EYS: variants seen among roughly 807,000 people sequenced by gnomAD.
EYS encodes the protein EGF-like photoreceptor maintenance factor.
EYS carries 250 observed loss-of-function variants against 282.1 expected under a neutral mutation model. The ratio of observed to expected loss-of-function variants is 0.89; its 90% CI spans 0.80 to 0.98. The LOEUF is 0.98. Ranked by LOEUF, EYS falls within the 50% of genes least tolerant of loss-of-function variation. The pLI is 0.00. For synonymous variants in EYS, 1,355 were observed against 1,282.9 expected, an observed-to-expected ratio of 1.06 and a Z score of -1.20; for missense variants, 4,016 against 3,709.0, an observed-to-expected ratio of 1.08 and a Z score of -2.15.
intron 5 of EYS, among the ~76,000 whole-genome samples, chr6:65,464,837 C>G (rs1007410064): frequency 6.6e-5 from 10 of 152,140 alleles, no homozygotes; most frequent in Non-Finnish European, 1.5e-4. Context: ...GGAAACTTAC[C>G]TTGTGTTCCA....
intron 12 of EYS, among the ~76,000 whole-genome samples, chr6:65,156,221 TTA>T (rs1764725081): frequency 6.6e-6 from 1 of 151,142 alleles, no homozygotes; most frequent in African/African-American, 2.4e-5. Context: ...TCCCTTGGAA[TTA>T]TAGTGTATTC....
chr6:64,446,324 C>T (rs1342070458), intron 26 of EYS, among the ~76,000 whole-genome samples: 1 of 152,076 alleles, frequency 6.6e-6, no homozygotes. Flanking sequence ...TCCCTCTCTA[C>T]TGCAACAGAG....
chr6:63,762,532 G>T lies in EYS; in HGVS notation c.8000C>A (p.Thr2667Asn), dbSNP rs909193856. The change falls in exon 41 of 43, where the codon ACC becomes AAC. Residue 2667 changes from threonine to asparagine, a missense_variant. Thr to Asn is a moderately conservative substitution (Grantham distance 65, BLOSUM62 0). Coordinates refer to ENST00000503581, the MANE Select transcript of EYS (RefSeq NM_001142800.2). ...DPPHHCSRGA[T>N]CISLPHGYTC... The stretch of plus-strand genomic sequence containing the variant: ...GTATCCATGAGGTAATGAAATGCAG[G>T]TTGCTCCTCTGCTACAGTGGTGTGG... 10 of 1,550,410 alleles carry T rather than the reference G, an allele frequency of 6.4e-6. 1 individual carries two copies. The South Asian group carries it at 9.5e-5, about 15-fold the overall frequency.
intron 25 of EYS, among the ~76,000 whole-genome samples, chr6:64,592,718 A>T (rs918560220): frequency 6.6e-6 from 1 of 152,146 alleles, no homozygotes; most frequent in South Asian, 2.1e-4. Context: ...AAATAAGCAC[A>T]TATCTTTTAT....
intron 35 of EYS, among the ~76,000 whole-genome samples, chr6:63,974,260 G>A (rs1002461298): frequency 8.6e-5 from 13 of 151,850 alleles, no homozygotes; most frequent in Admixed American, 3.3e-4. Context: ...TCTATAAGTG[G>A]TCAAAAATAA....
chr6:65,443,928 T>G (rs1415373602), intron 5 of EYS, among the ~76,000 whole-genome samples: 2 of 151,780 alleles, frequency 1.3e-5, no homozygotes, highest in African/African-American at 4.8e-5. Flanking sequence ...ATCCATAAGA[T>G]CAGAAGAACA....
intron 14 of EYS, among the ~76,000 whole-genome samples, chr6:64,974,042 T>G (rs1770391539): frequency 6.6e-6 from 1 of 151,904 alleles, no homozygotes; most frequent in African/African-American, 2.4e-5. Context: ...GCATTTCACA[T>G]TGGATTCCAT....
intron 15 of EYS, among the ~76,000 whole-genome samples, chr6:64,922,557 G>A (rs1583296426): frequency 6.6e-6 from 1 of 152,146 alleles, no homozygotes; most frequent in East Asian, 1.9e-4. Flanking sequence ...AAAAGACTCA[G>A]GATATATATT....
chr6:64,446,475 T>G (rs1775120109), intron 26 of EYS, among the ~76,000 whole-genome samples: 1 of 152,302 alleles, frequency 6.6e-6, no homozygotes, highest in Non-Finnish European at 1.5e-5. Context: ...TATGAATATT[T>G]ACTCCAACAC....
At position 64,088,553 on chromosome 6, in the gene EYS, A is replaced by C. The variant is rs117046828; in HGVS notation, c.6425-6551T>G. Among the ~76,000 whole-genome samples, 681 of 152,146 alleles carry C rather than the reference A, an allele frequency of 4.5e-3. 12 individuals are homozygous for C. Among genetic ancestry groups the C allele is most frequent in the Admixed American group, 0.023 (354 of 15,276 alleles). Reference sequence around the variant, plus strand: ...TTAAGTTCCTAAATTATATTAAAAAAAATCTCAAATTGGCAAAGGAAGCTA... The same window carrying C: ...TTAAGTTCCTAAATTATATTAAAAACAATCTCAAATTGGCAAAGGAAGCTA... On this transcript the variant is annotated intron_variant, in intron 31 of 42. Coordinates refer to ENST00000503581, the MANE Select transcript of EYS (RefSeq NM_001142800.2).
intron 30 of EYS, among the ~76,000 whole-genome samples, chr6:64,292,665 T>C (rs1922959): frequency 0.71 from 107,057 of 151,014 alleles, 37,863 homozygotes; most frequent in African/African-American, 0.77. Flanking sequence ...ACCTCTTCTT[T>C]GTGACCCCTC....
At chr6:65,430,855 T>C (rs913798695) in intron 5 of EYS, among the ~76,000 whole-genome samples, 2 of 152,110 alleles carry the variant, frequency 1.3e-5, no homozygotes, top group Admixed American at 6.5e-5. Context: ...TGAAGAGCCC[T>C]TGCGTCCTGA....
At chr6:65,060,782 G>GTA (rs3065332) in intron 12 of EYS, among the ~76,000 whole-genome samples, 2,308 of 143,798 alleles carry the variant, frequency 0.016, 35 homozygotes, top group African/African-American at 0.042. Context: ...ATATATATGT[G>GTA]TATATATATA....
At chr6:65,584,322 G>T (rs920700063) in intron 2 of EYS, among the ~76,000 whole-genome samples, 1 of 151,970 alleles carries the variant, frequency 6.6e-6, no homozygotes, top group Non-Finnish European at 1.5e-5. Context: ...GGCAATACTG[G>T]CATCTACTAG....
At chr6:64,850,059 T>G (rs1765835065) in intron 19 of EYS, among the ~76,000 whole-genome samples, 1 of 152,002 alleles carries the variant, frequency 6.6e-6, no homozygotes, top group Non-Finnish European at 1.5e-5. Flanking sequence ...GAGCCGATAT[T>G]TTATCTGAAA....
chr6:64,759,660 A>G (rs1562176162), intron 22 of EYS, among the ~76,000 whole-genome samples: 1 of 152,192 alleles, frequency 6.6e-6, no homozygotes, highest in Non-Finnish European at 1.5e-5. Context: ...ATATATTTAA[A>G]ATCAAAATAA....
intron 36 of EYS, among the ~76,000 whole-genome samples, chr6:63,842,456 T>A (rs780389477): frequency 1.6e-4 from 24 of 152,148 alleles, no homozygotes; most frequent in Non-Finnish European, 3.1e-4. Flanking sequence ...TTGATGGGGC[T>A]TGTTTTTTTC....
chr6:64,981,892 G>A (rs1331242021), intron 14 of EYS, among the ~76,000 whole-genome samples: 1 of 151,328 alleles, frequency 6.6e-6, no homozygotes, highest in African/African-American at 2.4e-5. Context: ...TAGAACTACT[G>A]CCAGATGTTA....
intron 33 of EYS, among the ~76,000 whole-genome samples, chr6:64,055,408 A>G (rs977263668): frequency 3.3e-5 from 5 of 151,848 alleles, no homozygotes; most frequent in Non-Finnish European, 5.9e-5. Context: ...TATATAGCAG[A>G]AAAATGAGTG....
Sources: allele counts gnomAD v4.1 joint callset (sites outside exome capture counted in the v4.1 genomes callset), GRCh38; gene constraint gnomAD v4.1.1; transcripts MANE v1.5; gene names NCBI Gene and HGNC (gene_info 2026-07-23, HGNC 2026-07-21).